The following PARPBP variants were observed in gnomAD, a reference collection of about 807,000 sequenced individuals.
PARPBP encodes the protein PCNA-interacting partner.
Under a neutral mutation model 50.0 loss-of-function variants are expected in PARPBP, and 52 were observed. The ratio of observed to expected loss-of-function variants is 1.04; its 90% CI spans 0.83 to 1.31. The LOEUF (loss-of-function observed/expected upper bound fraction) is 1.31. PARPBP is among the 50% of genes most tolerant of loss of function. The pLI, the probability that PARPBP is intolerant of heterozygous loss-of-function variation, is 0.00. For synonymous variants in PARPBP, 244 were observed against 232.1 expected, an observed-to-expected ratio of 1.05 and a Z score of -0.47; for missense variants, 697 against 672.0, an observed-to-expected ratio of 1.04 and a Z score of -0.41.
intron 4 of PARPBP, among the ~76,000 whole-genome samples, chr12:102,163,332 T>G (rs1454761934): frequency 6.6e-6 from 1 of 152,216 alleles, no homozygotes; most frequent in Non-Finnish European, 1.5e-5. Context: ...GGATGATTTG[T>G]TAACCTTATT....
rs544988542 is a variant in PARPBP, at chr12:102,175,395, T to G, written c.822-88T>G. The G allele has an allele frequency of 7.6e-5, 62 of 815,452 alleles. No homozygotes were observed. In the East Asian group the frequency reaches 1.5e-3, roughly 20 times the overall value. The allele number at this position is 815,452 out of a possible 1,614,324, so 50.5% of individuals were successfully genotyped here. A position where few individuals can be genotyped will look rare whatever the true frequency, so the allele number is the denominator to read the frequency against. On this transcript the variant is annotated intron_variant, in intron 6 of 10. Coordinates refer to ENST00000327680, the MANE Select transcript of PARPBP (RefSeq NM_017915.5). ...GATCAAAGCTATATTCTTTGAAAAGTGTTAACTCTGAAAATTATATTTTCA... is the reference window on the plus strand; with the variant it reads ...GATCAAAGCTATATTCTTTGAAAAGGGTTAACTCTGAAAATTATATTTTCA...
At chr12:102,133,723 A>C (rs1312406432) in intron 2 of PARPBP, among the ~76,000 whole-genome samples, 1 of 152,094 alleles carries the variant, frequency 6.6e-6, no homozygotes, top group East Asian at 1.9e-4. Context: ...ATTCGTCAAG[A>C]TAGATCATAT....
chr12:102,137,165 G>C (rs1393115505), intron 2 of PARPBP, among the ~76,000 whole-genome samples: 2 of 152,128 alleles, frequency 1.3e-5, no homozygotes, highest in Non-Finnish European at 2.9e-5. Context: ...ATGTTAGCCA[G>C]GATGGTCTCG....
chr12:102,155,595 G>GA (rs1565878255), intron 4 of PARPBP, among the ~76,000 whole-genome samples: 2 of 29,168 alleles, frequency 6.9e-5, no homozygotes, highest in Non-Finnish European at 1.5e-4. Flanking sequence ...AGAGCATGGT[G>GA]GGGGGGGGGG....
intron 8 of PARPBP, among the ~76,000 whole-genome samples, chr12:102,182,234 T>C (rs1320104009): frequency 1.3e-5 from 2 of 152,200 alleles, no homozygotes; most frequent in Non-Finnish European, 2.9e-5. Context: ...CACATGATCA[T>C]GGCGGTAAAC....
Position 102,164,587 on chromosome 12 carries a change from G to C in PARPBP, c.645G>C (p.Glu215Asp), listed in dbSNP as rs1024471863. ...CTGATTTGAAACATGCTGCTCGAGA[G>C]AAACAAATGTCTATCTTTTTGGTAT... ...AFTDLKHAAR[E>D]KQMSIFLVAT... Residue 215 changes from glutamate (E) to aspartate (D), a missense_variant, in exon 5 of 11, where the codon GAG becomes GAC. Glu to Asp is a conservative substitution (Grantham distance 45, BLOSUM62 2). Transcript: ENST00000327680. The C allele has an allele frequency of 1.9e-5, 31 of 1,613,508 alleles. No individual in the cohort carries two copies. Among genetic ancestry groups the C allele is most frequent in the Non-Finnish European group, 2.6e-5 (31 of 1,179,590 alleles).
In PARPBP at chr12:102,196,537, C is replaced by A. The variant is rs1891327329; in HGVS notation, c.*246C>A. On this transcript the variant is annotated 3_prime_UTR_variant, in exon 11 of 11. Transcript: ENST00000327680. ...TACTGATACATCTTAACACTACTTT[C>A]TTTTAAAACAGACATTTAACATACA... 2 of 843,258 alleles carry A rather than the reference C, an allele frequency of 2.4e-6. No individual in the cohort carries two copies. Among genetic ancestry groups the A allele is most frequent in the South Asian group, 2.9e-5 (2 of 69,736 alleles). The allele number at this position is 843,258 out of a possible 1,614,324, so 52.2% of individuals were successfully genotyped here.
At chr12:102,192,447 T>G (rs1334508506) in intron 9 of PARPBP, among the ~76,000 whole-genome samples, 1 of 152,098 alleles carries the variant, frequency 6.6e-6, no homozygotes, top group Non-Finnish European at 1.5e-5. Context: ...AATCTGATGC[T>G]TTTCCCATCA....
At chr12:102,152,061 A>C in intron 3 of PARPBP, 1 of 408,596 alleles carries the variant, frequency 2.4e-6, no homozygotes, top group Non-Finnish European at 4.4e-6. Flanking sequence ...TTCTTCCTAA[A>C]AACCAAAGAA....
At chr12:102,123,336 T>C (rs1336306643) in intron 1 of PARPBP, among the ~76,000 whole-genome samples, 1 of 152,190 alleles carries the variant, frequency 6.6e-6, no homozygotes, top group Admixed American at 6.5e-5. Context: ...TTAGTACTTC[T>C]GCACACACCA....
chr12:102,123,934 T>C lies in PARPBP; in HGVS notation c.46T>C (p.Phe16Leu). The change falls in exon 2 of 11, where the codon TTT (phenylalanine) becomes CTT (leucine). Residue 16 changes from phenylalanine to leucine, a missense_variant. Transcript: ENST00000327680. ...GTCTGTCTCGGATATGATTAAAGAGTTTCGAAAAAATTGGCGTGCTCTTTG... is the reference window on the plus strand; with the variant it reads ...GTCTGTCTCGGATATGATTAAAGAGCTTCGAAAAAATTGGCGTGCTCTTTG... ...QKSVSDMIKEFRKNWRALCNS... is the reference protein window; with the variant it reads ...QKSVSDMIKELRKNWRALCNS... 6.5e-7 allele frequency: 1 copy of C among 1,535,230 alleles called. No individual in the cohort carries two copies. Among genetic ancestry groups the C allele is most frequent in the Non-Finnish European group, 8.7e-7 (1 of 1,146,258 alleles).
chr12:102,140,572 T>C (rs1045165558), intron 2 of PARPBP, among the ~76,000 whole-genome samples: 3 of 152,222 alleles, frequency 2.0e-5, no homozygotes, highest in African/African-American at 7.2e-5. Flanking sequence ...TTAATTGTGA[T>C]GTTAGGGTGT....
rs762642978 is a variant in PARPBP at position 102,165,754 on chromosome 12, T to C, written c.692T>C (p.Ile231Thr). Residue 231 changes from isoleucine to threonine, a missense_variant, in exon 6 of 11, where the codon ATA becomes ACA. By Grantham distance (89) the Ile-to-Thr change is moderately conservative. Transcript: ENST00000327680. The stretch of plus-strand genomic sequence containing the variant: ...GTGGCCACGTCTTTTATTAGAACAA[T>C]AGAGCTTGGAGGGAAAGGATATGCA... ...FLVATSFIRT[I>T]ELGGKGYAPP... 24 of 1,609,398 alleles carry C rather than the reference T, an allele frequency of 1.5e-5. No individual in the cohort carries two copies. Among genetic ancestry groups the C allele is most frequent in the African/African-American group, 2.7e-5 (2 of 74,754 alleles).
chr12:102,185,150 A>C (rs886553434), intron 9 of PARPBP, among the ~76,000 whole-genome samples: 1 of 152,206 alleles, frequency 6.6e-6, no homozygotes, highest in East Asian at 1.9e-4. Context: ...GTTCACGAAC[A>C]CACTCATTTT....
chr12:102,132,897 T>C (rs1423474276), intron 2 of PARPBP, among the ~76,000 whole-genome samples: 2 of 152,124 alleles, frequency 1.3e-5, no homozygotes, highest in Non-Finnish European at 2.9e-5. Flanking sequence ...TTTGTAAAAA[T>C]TTTTTGTTTT....
At position 102,175,939 on chromosome 12, in the gene PARPBP, T is replaced by A. The variant is rs2136670483; in HGVS notation, c.1005+273T>A. On this transcript the variant is annotated intron_variant, in intron 7 of 10. Transcript: ENST00000327680. ...CCTTTTAGTACTAAAAACTTATAAT[T>A]CTTGATGGATATTAAGGTGTTTTAT... is the stretch of plus-strand genomic sequence containing the variant. Among the ~76,000 whole-genome samples, 3 of 152,202 alleles carry A rather than the reference T, an allele frequency of 2.0e-5. No homozygotes were observed. In the Middle Eastern group the frequency reaches 0.01, roughly 518 times the overall value.
At chr12:102,179,289 A>G (rs2136838233) in intron 8 of PARPBP, among the ~76,000 whole-genome samples, 1 of 152,340 alleles carries the variant, frequency 6.6e-6, no homozygotes, top group African/African-American at 2.4e-5. Flanking sequence ...CCAAACTTAC[A>G]CTGGAATTGA....
At position 102,196,141 on chromosome 12, in the gene PARPBP, A is replaced by C; in HGVS notation, c.1590A>C (p.Gln530His). ...ILCDNRNEPP[Q>H]HKNAKIPKKS... ...GTGATAATAGAAATGAACCACCTCA[A>C]CATAAAAATGCTAAAATACCTAAGA... The change falls in exon 11 of 11, where the codon CAA becomes CAC. Residue 530 changes from glutamine to histidine, a missense_variant. By Grantham distance (24) the Gln-to-His change is conservative (BLOSUM62 0). Coordinates refer to ENST00000327680, the MANE Select transcript of PARPBP (RefSeq NM_017915.5). 6.2e-7 allele frequency: 1 copy of C among 1,612,192 alleles called. No individual in the cohort carries two copies. The highest frequency in any genetic ancestry group is 1.1e-5 in the South Asian group (1 of 90,994).
At chr12:102,142,331 T>G (rs1884733578) in intron 2 of PARPBP, among the ~76,000 whole-genome samples, 1 of 152,248 alleles carries the variant, frequency 6.6e-6, no homozygotes, top group Non-Finnish European at 1.5e-5. Context: ...GGTTTTCAGC[T>G]CCATCAGGTC....
Sources: allele counts gnomAD v4.1 joint callset (sites outside exome capture counted in the v4.1 genomes callset), GRCh38; gene constraint gnomAD v4.1.1; transcripts MANE v1.5; gene names NCBI Gene and HGNC (gene_info 2026-07-23, HGNC 2026-07-21).